PRKG2: variants seen among roughly 807,000 people sequenced by gnomAD.
PRKG2 encodes the protein protein kinase cGMP-dependent 2, also known as cGMP-dependent protein kinase 2.
PRKG2 carries 33 observed loss-of-function variants against 97.2 expected under a neutral mutation model. The ratio of observed to expected loss-of-function variants is 0.34; its 90% CI spans 0.26 to 0.45. PRKG2 has a LOEUF of 0.45. Among genes scored for constraint, PRKG2 ranks in the 20% least tolerant of loss-of-function variants. The pLI, the probability that PRKG2 is intolerant of heterozygous loss-of-function variation, is 1.00. For missense variants in PRKG2, 638 were observed against 900.0 expected (o/e 0.71, Z 3.73); for synonymous variants, 330 against 321.8 (o/e 1.03, Z -0.27).
At position 81,091,505 on chromosome 4, in the gene PRKG2, G is replaced by C. The variant is rs1364096132; in HGVS notation, c.2193+881C>G. Among the ~76,000 whole-genome samples the C allele has an allele frequency of 3.3e-5, 5 of 151,708 alleles. No homozygotes were observed. In the East Asian group the frequency reaches 9.7e-4, roughly 29 times the overall value. On this transcript the variant is annotated intron_variant, in intron 18 of 18. Coordinates refer to ENST00000264399, the MANE Select transcript of PRKG2 (RefSeq NM_006259.3). Reference sequence around the variant, plus strand: ...TCACCATGTTAGCCAGGATGGTCTCGATCTCCTGACCTCGTGATCCGCCCG... The same window carrying C: ...TCACCATGTTAGCCAGGATGGTCTCCATCTCCTGACCTCGTGATCCGCCCG...
Position 81,105,867 on chromosome 4 carries a change from T to C in PRKG2, c.2009A>G (p.Asp670Gly), listed in dbSNP as rs1743272549. The change falls in exon 16 of 19, where the codon GAT (aspartate) becomes GGT (glycine). Residue 670 changes from aspartate (D) to glycine (G), a missense_variant. Around this residue, in one of 3 missense-constraint regions of PRKG2, gnomAD observed 304 missense variants for 460.5 expected, o/e 0.66. Transcript: ENST00000264399. ...NLILKGIEKM[D>G]FPRKITRRPE... ...TCGTCGTGTTATCTTCCTGGGAAAA[T>C]CCATTTTTTCAATTCCTTTGAGAAT... The C allele has an allele frequency of 6.2e-7, 1 of 1,613,832 alleles. No homozygotes were observed. The highest frequency in any genetic ancestry group is 8.5e-7 in the Non-Finnish European group (1 of 1,179,824).
intron 17 of PRKG2, among the ~76,000 whole-genome samples, chr4:81,093,103 T>C (rs1413770990): frequency 6.6e-6 from 1 of 152,078 alleles, no homozygotes; most frequent in Non-Finnish European, 1.5e-5. Flanking sequence ...AGAATCATTG[T>C]TTCTACCACC....
chr4:81,142,963 G>C lies in PRKG2; in HGVS notation c.1254-16C>G. On this transcript the variant is annotated splice_polypyrimidine_tract_variant and intron_variant, in intron 10 of 18. Transcript: ENST00000264399. ...CATGGACCGCCTGTACAAGAGAAGT[G>C]AAACTTTACACACACACACCCATAA... The C allele has an allele frequency of 6.3e-7, 1 of 1,593,466 alleles. No homozygotes were observed. Among genetic ancestry groups the C allele is most frequent in the Non-Finnish European group, 8.6e-7 (1 of 1,166,554 alleles).
chr4:81,104,468 ATTATAT>A (rs763554920), intron 16 of PRKG2, 36 bp from the exon 17 acceptor site: 35 of 975,812 alleles, frequency 3.6e-5, no homozygotes, highest in Non-Finnish European at 4.6e-5. Flanking sequence ...ATTTATAATA[ATTATAT>A]TTATAATAAT....
chr4:81,210,766 C>T (rs1578532686), intron 1 of PRKG2, among the ~76,000 whole-genome samples: 1 of 152,158 alleles, frequency 6.6e-6, no homozygotes, highest in Non-Finnish European at 1.5e-5. Flanking sequence ...TTTATGGCAG[C>T]TTTGTTTATA....
At chr4:81,102,548 T>C (rs1041483610) in intron 17 of PRKG2, among the ~76,000 whole-genome samples, 3 of 152,182 alleles carry the variant, frequency 2.0e-5, no homozygotes, top group Admixed American at 6.5e-5. Flanking sequence ...AATAATGAGC[T>C]TTACAGCTGA....
chr4:81,135,987 A>G (rs1746655866), intron 13 of PRKG2, among the ~76,000 whole-genome samples: 1 of 152,024 alleles, frequency 6.6e-6, no homozygotes, highest in African/African-American at 2.4e-5. Flanking sequence ...CCATATCAGT[A>G]AAAAAGGTTT....
chr4:81,089,800 T>G lies in PRKG2; in HGVS notation c.2197A>C (p.Lys733Gln). 1 of 1,596,682 alleles carries G rather than the reference T, an allele frequency of 6.3e-7. No individual in the cohort carries two copies. The highest frequency in any genetic ancestry group is 1.1e-5 in the South Asian group (1 of 90,674). Residue 733 changes from lysine to glutamine, a missense_variant, in exon 19 of 19, where the codon AAG becomes CAG. Around this residue, in one of 3 missense-constraint regions of PRKG2, gnomAD observed 304 missense variants for 460.5 expected, o/e 0.66. Transcript: ENST00000264399. Reference sequence around the variant, plus strand: ...AAGTAGCTGTGATCTATGGGTCCCTTGAGCTAATATAGAAATAATTAAAAC... The same window carrying G: ...AAGTAGCTGTGATCTATGGGTCCCTGGAGCTAATATAGAAATAATTAAAAC... ...SLPSPLQREL[K>Q]GPIDHSYFDK...
At chr4:81,135,914 C>A (rs1218041312) in intron 13 of PRKG2, among the ~76,000 whole-genome samples, 1 of 151,796 alleles carries the variant, frequency 6.6e-6, no homozygotes, top group Non-Finnish European at 1.5e-5. Flanking sequence ...CTGGGTTTGA[C>A]TCCTGTTTCT....
chr4:81,104,347 T>A, intron 17 of PRKG2, 23 bp downstream of exon 17: 1 of 1,492,096 alleles, frequency 6.7e-7, no homozygotes, highest in Non-Finnish European at 9.1e-7. Flanking sequence ...TATATTTTTC[T>A]GGGCAAAGAA....
chr4:81,217,420 A>G (rs1293114823), upstream of PRKG2, among the ~76,000 whole-genome samples: 1 of 152,152 alleles, frequency 6.6e-6, no homozygotes, highest in East Asian at 1.9e-4. Context: ...GGGGGAACCT[A>G]AGTTCCCTCC....
intron 14 of PRKG2, among the ~76,000 whole-genome samples, chr4:81,132,673 T>C (rs1746295627): frequency 6.6e-6 from 1 of 152,196 alleles, no homozygotes; most frequent in Admixed American, 6.5e-5. Context: ...TGATTAATCT[T>C]ATCAAGAGGG....
intron 11 of PRKG2, among the ~76,000 whole-genome samples, chr4:81,142,534 T>G (rs1747398670): frequency 6.6e-6 from 1 of 152,208 alleles, no homozygotes; most frequent in South Asian, 2.1e-4. Flanking sequence ...TTACTTAGTA[T>G]ATTGATAATC....
intron 17 of PRKG2, among the ~76,000 whole-genome samples, chr4:81,093,448 A>T (rs566005135): frequency 1.3e-5 from 2 of 151,236 alleles, no homozygotes; most frequent in East Asian, 3.9e-4. Context: ...CCCCCTTAGC[A>T]TCTATAGCTA....
chr4:81,104,672 T>C (rs1743153054), intron 16 of PRKG2, among the ~76,000 whole-genome samples: 1 of 151,932 alleles, frequency 6.6e-6, no homozygotes, highest in Non-Finnish European at 1.5e-5. Context: ...TATATATATA[T>C]ATGTGTGTAT....
chr4:81,196,718 T>C (rs958647547), intron 2 of PRKG2, among the ~76,000 whole-genome samples: 1 of 151,302 alleles, frequency 6.6e-6, no homozygotes, highest in Non-Finnish European at 1.5e-5. Flanking sequence ...AAAATATATA[T>C]AAAATATAAA....
chr4:81,093,437 A>AC (rs1332794439), intron 17 of PRKG2, among the ~76,000 whole-genome samples: 2 of 148,394 alleles, frequency 1.3e-5, no homozygotes, highest in Admixed American at 1.3e-4. Flanking sequence ...ACTTTATCTT[A>AC]CCCCCTTAGC....
intron 2 of PRKG2, among the ~76,000 whole-genome samples, chr4:81,178,756 A>G (rs1181317471): frequency 2.0e-5 from 3 of 151,984 alleles, no homozygotes; most frequent in Non-Finnish European, 4.4e-5. Context: ...GAAGTTGAAC[A>G]TACGTATAAT....
At chr4:81,195,834 G>A (rs1752926165) in intron 2 of PRKG2, among the ~76,000 whole-genome samples, 1 of 152,172 alleles carries the variant, frequency 6.6e-6, no homozygotes, top group Non-Finnish European at 1.5e-5. Context: ...AAGCATGGAT[G>A]TACAAGATTT....
Sources: allele counts gnomAD v4.1 joint callset (sites outside exome capture counted in the v4.1 genomes callset), GRCh38; gene constraint gnomAD v4.1.1; regional missense constraint gnomAD v4.1.1; transcripts MANE v1.5; gene names NCBI Gene and HGNC (gene_info 2026-07-23, HGNC 2026-07-21).